SLC8A1: variants seen among roughly 807,000 people sequenced by gnomAD.
SLC8A1 encodes sodium/calcium exchanger 1.
SLC8A1 carries 18 observed loss-of-function variants against 68.3 expected under a neutral mutation model. The ratio of observed to expected loss-of-function variants is 0.26; its 90% CI spans 0.18 to 0.39. The LOEUF (loss-of-function observed/expected upper bound fraction) is 0.39. Ranked by LOEUF, SLC8A1 falls within the 10% of genes least tolerant of loss-of-function variation. The pLI is 1.00. For synonymous variants in SLC8A1, 475 were observed against 415.5 expected, an observed-to-expected ratio of 1.14 and a Z score of -1.74; for missense variants, 985 against 1,156.7, an observed-to-expected ratio of 0.85 and a Z score of 2.15.
At chr2:40,199,681 C>T (rs1006040369) in intron 2 of SLC8A1, among the ~76,000 whole-genome samples, 1 of 151,722 alleles carries the variant, frequency 6.6e-6, no homozygotes, top group Non-Finnish European at 1.5e-5. Context: ...CCTCAAAATT[C>T]CTCTCCTCAT....
intron 4 of SLC8A1, 90 bp from the exon 7 acceptor site, chr2:40,170,439 C>G (rs1321733638): frequency 9.5e-7 from 1 of 1,055,266 alleles, no homozygotes; most frequent in South Asian, 1.3e-5. Context: ...AAACATCACA[C>G]CCAGATGCAC....
intron 7 of SLC8A1, among the ~76,000 whole-genome samples, chr2:40,128,614 C>A (rs1010472519): frequency 6.6e-6 from 1 of 152,102 alleles, no homozygotes; most frequent in Non-Finnish European, 1.5e-5. Context: ...CAGGTACTGC[C>A]CTAAGAGTCA....
chr2:40,113,483 G>A (rs1041013555), exon 8 of SLC8A1: 5 of 152,726 alleles, frequency 3.3e-5, no homozygotes, highest in Admixed American at 6.5e-5. Context: ...CTCCTGGGAG[G>A]TACTAGTCTT....
intron 7 of SLC8A1, among the ~76,000 whole-genome samples, chr2:40,126,014 A>C (rs1248404294): frequency 6.6e-6 from 1 of 152,158 alleles, no homozygotes; most frequent in East Asian, 1.9e-4. Flanking sequence ...AGTTACCCTT[A>C]GTTTCATTTT....
intron 6 of SLC8A1, among the ~76,000 whole-genome samples, chr2:40,145,675 A>G (rs1277120707): frequency 1.3e-5 from 2 of 152,234 alleles, no homozygotes; most frequent in Non-Finnish European, 2.9e-5. Context: ...ATCAGCTAAG[A>G]AAAATAAAAC....
At chr2:40,249,310 A>C (rs2062371040) in intron 2 of SLC8A1, among the ~76,000 whole-genome samples, 1 of 152,218 alleles carries the variant, frequency 6.6e-6, no homozygotes, top group African/African-American at 2.4e-5. Flanking sequence ...ATATACTTTC[A>C]AAACCTTTTG....
intron 2 of SLC8A1, among the ~76,000 whole-genome samples, chr2:40,215,166 T>C (rs576011452): frequency 6.6e-6 from 1 of 152,252 alleles, no homozygotes; most frequent in Middle Eastern, 3.4e-3. Context: ...TAATTATTAT[T>C]ATTAATATTA....
chr2:40,288,486 C>T (rs1207387096), intron 2 of SLC8A1, among the ~76,000 whole-genome samples: 1 of 152,034 alleles, frequency 6.6e-6, no homozygotes, highest in Non-Finnish European at 1.5e-5. Flanking sequence ...TCCCCAGCCC[C>T]TACTCCTCTC....
chr2:40,315,529 G>C (rs2074329344), intron 2 of SLC8A1, among the ~76,000 whole-genome samples: 2 of 147,580 alleles, frequency 1.4e-5, no homozygotes, highest in South Asian at 4.3e-4. Flanking sequence ...GGTTAGTATT[G>C]AACTAGCGTT....
At chr2:40,462,103 T>C (rs1481100220) in intron 1 of SLC8A1, among the ~76,000 whole-genome samples, 1 of 146,632 alleles carries the variant, frequency 6.8e-6, no homozygotes, top group Non-Finnish European at 1.5e-5. Flanking sequence ...AGCTCCTGGG[T>C]TCGAGCAATT....
At chr2:40,394,011 C>A (rs754624916) in intron 2 of SLC8A1, among the ~76,000 whole-genome samples, 3 of 152,076 alleles carry the variant, frequency 2.0e-5, no homozygotes, top group African/African-American at 7.2e-5. Context: ...GTGTCAATGA[C>A]TGAAGACAGT....
chr2:40,471,852 T>A (rs1704007705), intron 1 of SLC8A1, among the ~76,000 whole-genome samples: 1 of 152,238 alleles, frequency 6.6e-6, no homozygotes, highest in Non-Finnish European at 1.5e-5. Context: ...CTTCAAAACA[T>A]ATATTTCTAT....
intron 2 of SLC8A1, among the ~76,000 whole-genome samples, chr2:40,216,105 C>T (rs540969651): frequency 6.6e-6 from 1 of 151,496 alleles, no homozygotes; most frequent in East Asian, 1.9e-4. Flanking sequence ...ATACGTGTGC[C>T]ATGGTGGTTT....
chr2:40,445,205 C>T (rs2149845208), intron 1 of SLC8A1, among the ~76,000 whole-genome samples: 1 of 152,308 alleles, frequency 6.6e-6, no homozygotes, highest in East Asian at 1.9e-4. Flanking sequence ...AAGTAATTAG[C>T]ACAATGTCAA....
At chr2:40,224,540 G>A (rs908356798) in intron 2 of SLC8A1, among the ~76,000 whole-genome samples, 2 of 152,018 alleles carry the variant, frequency 1.3e-5, no homozygotes, top group African/African-American at 4.8e-5. Flanking sequence ...CTGATCCATG[G>A]TTACCATGGC....
At chr2:40,180,296 A>G (rs1160534727) in intron 2 of SLC8A1, among the ~76,000 whole-genome samples, 4 of 152,234 alleles carry the variant, frequency 2.6e-5, no homozygotes, top group Non-Finnish European at 5.9e-5. Flanking sequence ...TAATATCCAA[A>G]AATTATAAAA....
chr2:40,232,924 G>A (rs544622069), intron 2 of SLC8A1, among the ~76,000 whole-genome samples: 1 of 150,540 alleles, frequency 6.6e-6, no homozygotes, highest in Non-Finnish European at 1.5e-5. Flanking sequence ...CAAAGGACAT[G>A]AACTCATCCT....
intron 2 of SLC8A1, among the ~76,000 whole-genome samples, chr2:40,413,579 C>T (rs1042626589): frequency 3.3e-5 from 5 of 152,124 alleles, no homozygotes; most frequent in Non-Finnish European, 7.4e-5. Flanking sequence ...GTCTGCTTTA[C>T]ATCCTATACT....
rs1053017511 is a variant in SLC8A1 at position 40,282,194 on chromosome 2, T to C, written c.1809-104339A>G. Among the ~76,000 whole-genome samples the C allele has an allele frequency of 8.5e-5, 13 of 152,282 alleles. 1 individual carries two copies. The highest frequency in any genetic ancestry group is 7.2e-4 in the Admixed American group (11 of 15,282). On this transcript the variant is annotated intron_variant, in intron 2 of 7. Transcript: ENST00000406785. ...TTTCTTACCTCATTCAGAGGCATGC[T>C]GGGAAATTTAACTAAATCTGAAAGA...
Sources: allele counts gnomAD v4.1 joint callset (sites outside exome capture counted in the v4.1 genomes callset), GRCh38; gene constraint gnomAD v4.1.1; transcripts MANE v1.5; gene names NCBI Gene and HGNC (gene_info 2026-07-23, HGNC 2026-07-21).